CDH18: variants seen among roughly 807,000 people sequenced by gnomAD.
CDH18 encodes cadherin 18.
In CDH18, 31 loss-of-function variants were observed where a neutral mutation model predicts 67.9. The observed-to-expected ratio is 0.46, with a 90% CI of 0.34 to 0.62. The LOEUF is 0.62. Among genes scored for constraint, CDH18 ranks in the 20% least tolerant of loss-of-function variants. CDH18 has a pLI of 0.01. For missense variants in CDH18, 890 were observed against 975.5 expected, an observed-to-expected ratio of 0.91 and a Z score of 1.17; for synonymous variants, 362 against 347.2, an observed-to-expected ratio of 1.04 and a Z score of -0.48.
chr5:19,571,908 CATT>C (rs1741487100), intron 7 of CDH18, 76 bp from the exon 8 acceptor site: 1 of 1,165,384 alleles, frequency 8.6e-7, no homozygotes, highest in Non-Finnish European at 1.2e-6. Context: ...TTCAAATATG[CATT>C]ATTTTTTCCT....
chr5:20,541,615 T>C (rs1757052160), intron 1 of CDH18, among the ~76,000 whole-genome samples: 1 of 152,044 alleles, frequency 6.6e-6, no homozygotes, highest in African/African-American at 2.4e-5. Flanking sequence ...GGAAGGGAGG[T>C]ATTTAATCAG....
intron 3 of CDH18, among the ~76,000 whole-genome samples, chr5:19,817,310 A>C (rs1779395343): frequency 6.6e-6 from 1 of 152,000 alleles, no homozygotes; most frequent in Admixed American, 6.6e-5. Context: ...AGGAGGCTCT[A>C]GTGATAGCTA....
upstream of CDH18, among the ~76,000 whole-genome samples, chr5:19,992,330 A>C (rs1016971072): frequency 2.0e-5 from 3 of 151,976 alleles, no homozygotes; most frequent in African/African-American, 7.2e-5. Context: ...AAAACAGATA[A>C]TTGTTGTACT....
At position 19,473,204 on chromosome 5, in the gene CDH18, C is replaced by T. The variant is rs1356681743; in HGVS notation, c.*22G>A. The T allele has an allele frequency of 6.2e-7, 1 of 1,604,330 alleles. No individual in the cohort carries two copies. On this transcript the variant is annotated 3_prime_UTR_variant, in exon 13 of 13. Coordinates refer to ENST00000382275, the MANE Select transcript of CDH18 (RefSeq NM_004934.5). ...CCACTTACTCAGGAAGCAAATTCCA[C>T]AAGGTTGCAAGAACTGACCCCCTAA... is the stretch of plus-strand genomic sequence containing the variant.
At chr5:19,862,875 T>TGAAAAGGCAA (rs769245473) in intron 2 of CDH18, among the ~76,000 whole-genome samples, 444 of 152,220 alleles carry the variant, frequency 2.9e-3, no homozygotes, top group Non-Finnish European at 4.4e-3. Flanking sequence ...GAAAAGACAG[T>TGAAAAGGCAA]TTATTATGCA....
At chr5:20,513,486 T>C (rs1755171260) in intron 1 of CDH18, among the ~76,000 whole-genome samples, 1 of 152,118 alleles carries the variant, frequency 6.6e-6, no homozygotes, top group African/African-American at 2.4e-5. Flanking sequence ...GACCAAAGTT[T>C]TACATCAGAT....
intron 3 of CDH18, among the ~76,000 whole-genome samples, chr5:19,788,475 G>C (rs542891215): frequency 3.9e-5 from 6 of 152,150 alleles, no homozygotes; most frequent in African/African-American, 1.4e-4. Context: ...ATATATTCTG[G>C]GCTAGTTGCA....
At chr5:20,081,798 TGGAGAGTGGGA>T (rs1296256037) in intron 2 of CDH18, among the ~76,000 whole-genome samples, 17 of 150,986 alleles carry the variant, frequency 1.1e-4, no homozygotes, top group Non-Finnish European at 2.1e-4. Flanking sequence ...TACTCGAGGG[TGGAGAGTGGGA>T]GGAAAGTGAG....
chr5:20,063,128 A>C (rs1742655350), intron 2 of CDH18, among the ~76,000 whole-genome samples: 1 of 151,134 alleles, frequency 6.6e-6, no homozygotes, highest in East Asian at 1.9e-4. Flanking sequence ...CCTATTTTTC[A>C]ACAATTATTA....
chr5:19,593,142 T>G (rs1745453034), intron 6 of CDH18, among the ~76,000 whole-genome samples: 2 of 152,108 alleles, frequency 1.3e-5, no homozygotes, highest in Admixed American at 6.6e-5. Context: ...ATGCTAATAT[T>G]TATTTGTAAT....
intron 5 of CDH18, among the ~76,000 whole-genome samples, chr5:19,641,562 A>C (rs2150226360): frequency 6.6e-6 from 1 of 152,166 alleles, no homozygotes; most frequent in South Asian, 2.1e-4. Context: ...AAATTAACAA[A>C]ATGAAAAAGA....
chr5:20,241,905 T>TATATATATATATATAA (rs369967608), intron 2 of CDH18, among the ~76,000 whole-genome samples: 175 of 141,346 alleles, frequency 1.2e-3, no homozygotes, highest in African/African-American at 3.0e-3. Context: ...TATATATATA[T>TATATATATATATATAA]ATATTGCTTA....
chr5:19,830,202 A>G (rs1780862779), intron 3 of CDH18, among the ~76,000 whole-genome samples: 1 of 152,190 alleles, frequency 6.6e-6, no homozygotes, highest in South Asian at 2.1e-4. Flanking sequence ...ACCTAGTTAA[A>G]CTAAAGTGCT....
chr5:20,508,323 T>TTATATATATATATATATA (rs55885279), intron 1 of CDH18, among the ~76,000 whole-genome samples: 1 of 111,186 alleles, frequency 9.0e-6, no homozygotes, highest in Non-Finnish European at 1.9e-5. Flanking sequence ...ATGACTATGA[T>TTATATATATATATATATA]TATATATATA....
chr5:19,557,075 C>A (rs144374389), intron 8 of CDH18, among the ~76,000 whole-genome samples: 1 of 152,000 alleles, frequency 6.6e-6, no homozygotes, highest in Non-Finnish European at 1.5e-5. Flanking sequence ...CTTTTTCAGA[C>A]AAACAAATGC....
chr5:19,641,468 C>T (rs1467954523), intron 5 of CDH18, among the ~76,000 whole-genome samples: 3 of 151,910 alleles, frequency 2.0e-5, no homozygotes, highest in Non-Finnish European at 4.4e-5. Flanking sequence ...AGTAATTTAA[C>T]AGCACATTAA....
chr5:20,074,727 G>A (rs1372131496), intron 2 of CDH18, among the ~76,000 whole-genome samples: 1 of 64,784 alleles, frequency 1.5e-5, no homozygotes, highest in African/African-American at 3.3e-5. Flanking sequence ...TAATACAATA[G>A]TTTGGGGTTT....
intron 2 of CDH18, among the ~76,000 whole-genome samples, chr5:20,091,881 T>C (rs1462192426): frequency 6.6e-6 from 1 of 152,084 alleles, no homozygotes; most frequent in African/African-American, 2.4e-5. Flanking sequence ...AGATCAGGCA[T>C]AGTCAGAGGT....
chr5:20,389,309 G>A (rs1245605587), intron 1 of CDH18, among the ~76,000 whole-genome samples: 1 of 151,984 alleles, frequency 6.6e-6, no homozygotes, highest in African/African-American at 2.4e-5. Flanking sequence ...TTATGTAATG[G>A]CCTTCTTTGT....
Sources: gnomAD v4.1 joint callset for allele counts (sites outside exome capture counted in the v4.1 genomes callset) on GRCh38, gnomAD v4.1.1 for gene constraint, MANE v1.5 for transcripts, NCBI Gene and HGNC (gene_info 2026-07-23, HGNC 2026-07-21) for gene names.